The following CLASP1 variants were observed in gnomAD, a reference collection of about 807,000 sequenced individuals.
CLASP1 encodes CLIP-associating protein 1.
A neutral mutation model predicts 192.3 loss-of-function variants in CLASP1; 38 were observed. The ratio of observed to expected loss-of-function variants is 0.20; its 90% CI spans 0.15 to 0.26. The LOEUF is 0.26. CLASP1 is among the 10% of genes least tolerant of loss of function. The pLI is 1.00. For synonymous variants in CLASP1, 691 were observed against 712.8 expected (o/e 0.97, Z 0.49); for missense variants, 1,433 against 1,932.5 (o/e 0.74, Z 4.85).
chr2:121,624,407 T>C (rs546312974), intron 1 of CLASP1, among the ~76,000 whole-genome samples: 2 of 151,822 alleles, frequency 1.3e-5, no homozygotes, highest in African/African-American at 4.9e-5. Context: ...AGGGGTTTTT[T>C]TCTTCTTCTT....
chr2:121,348,495 C>G lies in CLASP1; in HGVS notation c.4413+17G>C. ...CCACACAGGCCGGGGGCAGGCCCCA[C>G]CAACACGAGGGCCTACCTGCAGCAA... On this transcript the variant is annotated intron_variant, in intron 38 of 39. Transcript: ENST00000263710. 6.3e-7 allele frequency: 1 copy of G among 1,594,000 alleles called. No homozygotes were observed. Among genetic ancestry groups the G allele is most frequent in the Non-Finnish European group, 8.5e-7 (1 of 1,170,706 alleles).
intron 2 of CLASP1, among the ~76,000 whole-genome samples, chr2:121,537,358 C>T (rs1159991971): frequency 1.3e-5 from 2 of 151,696 alleles, no homozygotes; most frequent in Non-Finnish European, 2.9e-5. Context: ...TGTCACTGCA[C>T]TCCAGCCTGG....
chr2:121,470,491 CCT>C (rs1168180496), intron 8 of CLASP1, among the ~76,000 whole-genome samples: 1 of 151,774 alleles, frequency 6.6e-6, no homozygotes, highest in African/African-American at 2.4e-5. Context: ...GTAAATTTTT[CCT>C]CTGTGATGAA....
At chr2:121,588,046 A>G (rs577251713) in intron 2 of CLASP1, among the ~76,000 whole-genome samples, 1 of 145,442 alleles carries the variant, frequency 6.9e-6, no homozygotes, top group East Asian at 2.1e-4. Flanking sequence ...TATTGGTACT[A>G]CCCTGTAGTC....
At chr2:121,642,135 T>G (rs1214910325) in intron 1 of CLASP1, among the ~76,000 whole-genome samples, 1 of 151,860 alleles carries the variant, frequency 6.6e-6, no homozygotes, top group African/African-American at 2.4e-5. Context: ...AAAAGATAAC[T>G]ACTCAGACAC....
chr2:121,617,246 T>C (rs1277409057), intron 1 of CLASP1, among the ~76,000 whole-genome samples: 2 of 142,446 alleles, frequency 1.4e-5, no homozygotes, highest in Non-Finnish European at 3.0e-5. Context: ...CCCACACAGA[T>C]GACAACAACT....
At chr2:121,605,405 T>C (rs2064305807) in intron 2 of CLASP1, among the ~76,000 whole-genome samples, 1 of 152,208 alleles carries the variant, frequency 6.6e-6, no homozygotes, top group Non-Finnish European at 1.5e-5. Flanking sequence ...AATATACACA[T>C]TAACTTCAAG....
At chr2:121,603,763 A>G (rs1323198230) in intron 2 of CLASP1, among the ~76,000 whole-genome samples, 3 of 152,234 alleles carry the variant, frequency 2.0e-5, no homozygotes, top group Non-Finnish European at 1.5e-5. Context: ...CCCGTCCTTC[A>G]CAGCAACATG....
At chr2:121,375,882 G>T (rs2069993301) in intron 34 of CLASP1, among the ~76,000 whole-genome samples, 1 of 152,086 alleles carries the variant, frequency 6.6e-6, no homozygotes, top group African/African-American at 2.4e-5. Flanking sequence ...ACAAAACTAT[G>T]TCCAGAATAA....
intron 4 of CLASP1, 95 bp from the exon 5 acceptor site, chr2:121,527,985 C>G: frequency 2.4e-6 from 2 of 843,244 alleles, no homozygotes; most frequent in South Asian, 3.0e-5. Flanking sequence ...TAACGAGCGC[C>G]AAATTAGTCC....
At chr2:121,601,017 A>C (rs1177763427) in intron 2 of CLASP1, among the ~76,000 whole-genome samples, 1 of 152,218 alleles carries the variant, frequency 6.6e-6, no homozygotes, top group East Asian at 1.9e-4. Context: ...CCCAAGTGAA[A>C]GGTACAAGAA....
chr2:121,489,451 T>G lies in CLASP1; in HGVS notation c.712+13716A>C, dbSNP rs559906341. On this transcript the variant is annotated intron_variant, in intron 8 of 39. Coordinates refer to ENST00000263710, the Ensembl canonical transcript of CLASP1. The stretch of plus-strand genomic sequence containing the variant: ...CCCACAGCAGGAGACAAATAAACAC[T>G]TGTTACTGTATGCAATTTTACTCTG... Among the ~76,000 whole-genome samples, 6 of 152,322 alleles carry G rather than the reference T, an allele frequency of 3.9e-5. No homozygotes were observed. In the South Asian group the frequency reaches 8.3e-4, roughly 21 times the overall value.
intron 2 of CLASP1, among the ~76,000 whole-genome samples, chr2:121,587,130 A>G (rs1019563187): frequency 1.3e-5 from 2 of 152,154 alleles, no homozygotes; most frequent in African/African-American, 4.8e-5. Context: ...AGTCCCAGCT[A>G]CTTGGGAGGC....
At chr2:121,426,732 A>T (rs546625917) in intron 21 of CLASP1, among the ~76,000 whole-genome samples, 2 of 152,348 alleles carry the variant, frequency 1.3e-5, no homozygotes, top group Non-Finnish European at 2.9e-5. Context: ...TTAAAAACAA[A>T]TAATATGGCT....
intron 1 of CLASP1, among the ~76,000 whole-genome samples, chr2:121,607,279 C>A (rs913209915): frequency 6.6e-6 from 1 of 152,076 alleles, no homozygotes; most frequent in Non-Finnish European, 1.5e-5. Flanking sequence ...ACGGAGGTTG[C>A]GGTGAGCCGA....
chr2:121,571,459 A>C (rs2059968749), intron 2 of CLASP1, among the ~76,000 whole-genome samples: 1 of 152,226 alleles, frequency 6.6e-6, no homozygotes. Flanking sequence ...CTGCTGTGCA[A>C]GCAACGGGTT....
intron 37 of CLASP1, among the ~76,000 whole-genome samples, chr2:121,357,984 A>T (rs1006137843): frequency 6.6e-6 from 1 of 152,080 alleles, no homozygotes; most frequent in Non-Finnish European, 1.5e-5. Context: ...CTCCTGGTGT[A>T]TTTCACTTTG....
rs1033377275 is a variant in CLASP1 at position 121,436,835 on chromosome 2, T to G, written c.1913-6658A>C. Reference sequence around the variant, plus strand: ...TGTTAAATTTCTTTACTATCTTGCATGTAACTTAACAACTCTGTCATATTT... The same window carrying G: ...TGTTAAATTTCTTTACTATCTTGCAGGTAACTTAACAACTCTGTCATATTT... On this transcript the variant is annotated intron_variant, in intron 19 of 39. Coordinates refer to ENST00000263710, the Ensembl canonical transcript of CLASP1. Among the ~76,000 whole-genome samples, 25 of 152,274 alleles carry G rather than the reference T, an allele frequency of 1.6e-4. 1 individual carries two copies. Among genetic ancestry groups the G allele is most frequent in the Admixed American group, 1.6e-3 (24 of 15,294 alleles).
exon 25 of CLASP1, chr2:121,407,710 C>G: frequency 6.2e-7 from 1 of 1,613,906 alleles, no homozygotes; most frequent in Non-Finnish European, 8.5e-7. Flanking sequence ...TCCTCACAGG[C>G]TTCTTCTGAC....
Sources: allele counts gnomAD v4.1 joint callset (sites outside exome capture counted in the v4.1 genomes callset), GRCh38; gene constraint gnomAD v4.1.1; transcripts MANE v1.5; gene names NCBI Gene and HGNC (gene_info 2026-07-23, HGNC 2026-07-21).